TIMELESS: variants seen among roughly 807,000 people sequenced by gnomAD.
The protein encoded by TIMELESS is protein timeless homolog.
In TIMELESS, 124 loss-of-function variants were observed where a neutral mutation model predicts 164.3. The observed-to-expected ratio is 0.75, with a 90% CI of 0.65 to 0.88. The LOEUF is 0.88. Among genes scored for constraint, TIMELESS ranks in the 40% least tolerant of loss-of-function variants. The pLI is 0.00. For synonymous variants in TIMELESS, 564 were observed against 563.4 expected (o/e 1.00, Z -0.02); for missense variants, 1,422 against 1,491.4 (o/e 0.95, Z 0.77).
At chr12:56,419,650 A>C (rs1881389573) in intron 26 of TIMELESS, among the ~76,000 whole-genome samples, 1 of 151,834 alleles carries the variant, frequency 6.6e-6, no homozygotes, top group South Asian at 2.1e-4. Context: ...TGCCATTTGG[A>C]GTTTGTGGAT....
In TIMELESS at chr12:56,418,156, TTTC is replaced by T; in HGVS notation, c.3429_3431del (p.Lys1144del). 1 of 1,614,238 alleles carries T rather than the reference TTTC, an allele frequency of 6.2e-7. No homozygotes were observed. The highest frequency in any genetic ancestry group is 8.5e-7 in the Non-Finnish European group (1 of 1,180,042). ...TACCCTCTGGGGATGCCAGGCCCGC[TTTC>T]TTCTTGTGGGCTAGCAAGAGGGCCC... On this transcript the variant is annotated inframe_deletion, in exon 27 of 29. Transcript: ENST00000553532.
At position 56,430,260 on chromosome 12, in the gene TIMELESS, A is replaced by G; in HGVS notation, c.931T>C (p.Leu311=). The change falls in exon 10 of 29, where the codon TTG becomes CTG. Residue 311 remains leucine, a synonymous_variant. Transcript: ENST00000553532. ...GGCACCTTTTTCGGCTGCTTTCCCA[A>G]ATCTGAACTGTAGTTTCGTAGCTGG... ...LHNLRNYSSD[L]GKQPKKVPKR... The G allele has an allele frequency of 6.2e-7, 1 of 1,613,296 alleles. No individual in the cohort carries two copies. Among genetic ancestry groups the G allele is most frequent in the South Asian group, 1.1e-5 (1 of 90,958 alleles).
intron 1 of TIMELESS, among the ~76,000 whole-genome samples, chr12:56,434,810 A>AG (rs1363150001): frequency 1.3e-5 from 2 of 152,132 alleles, no homozygotes; most frequent in Non-Finnish European, 2.9e-5. Context: ...TCAGCATTTT[A>AG]GGAGGCCAAG....
chr12:56,444,223 T>C (rs569065555), intron 1 of TIMELESS, among the ~76,000 whole-genome samples: 1 of 152,028 alleles, frequency 6.6e-6, no homozygotes, highest in East Asian at 1.9e-4. Flanking sequence ...GTCCCCTTCA[T>C]TGTCTCTTCC....
chr12:56,433,952 T>G, intron 2 of TIMELESS, 26 bp from the exon 3 acceptor site: 1 of 1,613,094 alleles, frequency 6.2e-7, no homozygotes, highest in Non-Finnish European at 8.5e-7. Context: ...AAAACATGCA[T>G]GTGGAACCTT....
rs1438859130 is a variant in TIMELESS, at chr12:56,433,446, G to A, written c.367-3C>T. 7 of 1,614,202 alleles carry A rather than the reference G, an allele frequency of 4.3e-6. No individual in the cohort carries two copies. Among genetic ancestry groups the A allele is most frequent in the South Asian group, 3.3e-5 (3 of 91,084 alleles). ...AAAGCCTTCTCACTGGCAAAGGCCT[G>A]TGAAATAGGGAACCTGATCTTAAGT... is the stretch of plus-strand genomic sequence containing the variant. On this transcript the variant is annotated splice_polypyrimidine_tract_variant and splice_region_variant and intron_variant, in intron 4 of 28. Coordinates refer to ENST00000553532, the MANE Select transcript of TIMELESS (RefSeq NM_003920.5).
chr12:56,421,549 A>G lies in TIMELESS; in HGVS notation c.2726-56T>C, dbSNP rs565072546. ...GGTAACAGGGAAAGAGATGAGTAAA[A>G]TAAATCAGAGGTCTCTGGAAAGAGG... On this transcript the variant is annotated intron_variant, in intron 22 of 28. Transcript: ENST00000553532. 8.9e-5 allele frequency: 141 copies of G among 1,577,858 alleles called. No individual in the cohort carries two copies. The African/African-American group carries it at 1.8e-3, about 20-fold the overall frequency.
intron 6 of TIMELESS, 42 bp from the exon 7 acceptor site, chr12:56,432,566 T>C: frequency 6.3e-7 from 1 of 1,599,370 alleles, no homozygotes; most frequent in Non-Finnish European, 8.5e-7. Context: ...GCTCATTCAA[T>C]CCCACTGCCC....
At chr12:56,428,711 A>G in intron 11 of TIMELESS, 59 bp from the exon 12 acceptor site, 2 of 1,536,086 alleles carry the variant, frequency 1.3e-6, no homozygotes, top group Non-Finnish European at 1.8e-6. Flanking sequence ...GCCCATGGAA[A>G]CAGCAACTTC....
Position 56,417,949 on chromosome 12 carries a change from C to A in TIMELESS, c.3514G>T (p.Asp1172Tyr), listed in dbSNP as rs752444978. The change falls in exon 28 of 29, where the codon GAC becomes TAC. Residue 1172 changes from aspartate (D) to tyrosine (Y), a missense_variant. Asp to Tyr is a radical substitution (Grantham distance 160, BLOSUM62 -3). Coordinates refer to ENST00000553532, the MANE Select transcript of TIMELESS (RefSeq NM_003920.5). ...TCTTCTTCCTGTTCCTCGTCGCTGTCCAGCAATTGTCGTTTCTTGGGTGCT... is the reference window on the plus strand; with the variant it reads ...TCTTCTTCCTGTTCCTCGTCGCTGTACAGCAATTGTCGTTTCTTGGGTGCT... ...KAAPKKRQLL[D>Y]SDEEQEEDEG... The A allele has an allele frequency of 1.2e-6, 2 of 1,614,254 alleles. No homozygotes were observed. Among genetic ancestry groups the A allele is most frequent in the East Asian group, 4.5e-5 (2 of 44,890 alleles).
At position 56,421,972 on chromosome 12, in the gene TIMELESS, G is replaced by T. The variant is rs1197676226; in HGVS notation, c.2569C>A (p.Pro857Thr). The T allele has an allele frequency of 6.2e-7, 1 of 1,614,130 alleles. No homozygotes were observed. The highest frequency in any genetic ancestry group is 1.1e-5 in the South Asian group (1 of 91,072). The change falls in exon 21 of 29, where the codon CCT (proline) becomes ACT (threonine). Residue 857 changes from proline (P) to threonine (T), a missense_variant. Transcript: ENST00000553532. ...EAILAHLNTV[P>T]RTRKQIIHHL... ...TGGATGATCTGCTTGCGTGTTCGAG[G>T]AACAGTATTCAGGTGGGCCAAGATG...
At position 56,421,359 on chromosome 12, in the gene TIMELESS, A is replaced by T; in HGVS notation, c.2860T>A (p.Ser954Thr). 2.5e-6 allele frequency: 4 copies of T among 1,613,706 alleles called. No homozygotes were observed. Among genetic ancestry groups the T allele is most frequent in the Non-Finnish European group, 3.4e-6 (4 of 1,179,820 alleles). Residue 954 changes from serine (S) to threonine (T), a missense_variant, in exon 23 of 29, where the codon TCC becomes ACC. Ser to Thr is a moderately conservative substitution (Grantham distance 58, BLOSUM62 1). Coordinates refer to ENST00000553532, the MANE Select transcript of TIMELESS (RefSeq NM_003920.5). ...YKKRQKKLAS[S>T]ILPNGAESLK... Reference sequence around the variant, plus strand: ...TAGGGTCAGATTGTTACCAAGATGGAGGATGCCAACTTTTTCTGCCGTTTC... The same window carrying T: ...TAGGGTCAGATTGTTACCAAGATGGTGGATGCCAACTTTTTCTGCCGTTTC...
chr12:56,424,382 C>T (rs1881603066), intron 15 of TIMELESS, among the ~76,000 whole-genome samples: 1 of 152,170 alleles, frequency 6.6e-6, no homozygotes, highest in South Asian at 2.1e-4. Flanking sequence ...GTTAAGTCCG[C>T]CCTTAATGTC....
chr12:56,426,089 A>C (rs1317201571), intron 13 of TIMELESS, among the ~76,000 whole-genome samples: 1 of 152,170 alleles, frequency 6.6e-6, no homozygotes, highest in African/African-American at 2.4e-5. Flanking sequence ...GGAGTCCAGC[A>C]GATCTGGATT....
Position 56,429,069 on chromosome 12 carries a change from T to C in TIMELESS, c.1118A>G (p.His373Arg). ...DHLLREKAQQ[H>R]DETYYMWALA... ...GGCCCACATATAATAGGTCTCATCA[T>C]GCTGCTGAGCTTTCTCCCGAAGCAG... is the stretch of plus-strand genomic sequence containing the variant. Residue 373 changes from histidine to arginine, a missense_variant, in exon 11 of 29, where the codon CAT becomes CGT. By Grantham distance (29) the His-to-Arg change is conservative. Coordinates refer to ENST00000553532, the MANE Select transcript of TIMELESS (RefSeq NM_003920.5). 1.2e-6 allele frequency: 2 copies of C among 1,614,006 alleles called. No individual in the cohort carries two copies. The highest frequency in any genetic ancestry group is 2.7e-5 in the African/African-American group (2 of 75,018).
chr12:56,423,036 C>T, intron 18 of TIMELESS, 44 bp from the exon 19 acceptor site: 1 of 1,587,506 alleles, frequency 6.3e-7, no homozygotes, highest in African/African-American at 1.4e-5. Context: ...TGGTCCAATG[C>T]AGACCCGAAC....
At chr12:56,437,275 TG>T (rs2136149096) in intron 1 of TIMELESS, among the ~76,000 whole-genome samples, 1 of 152,292 alleles carries the variant, frequency 6.6e-6, no homozygotes, top group East Asian at 1.9e-4. Flanking sequence ...CAGATTATCC[TG>T]GGTCATACCC....
intron 1 of TIMELESS, among the ~76,000 whole-genome samples, chr12:56,439,167 CAAAAAAAAAAAA>C (rs57127557): frequency 4.7e-5 from 4 of 85,640 alleles, no homozygotes; most frequent in East Asian, 8.0e-4. Flanking sequence ...AACTCCTTCT[CAAAAAAAAAAAA>C]AAAAAAAAAA....
rs868780866 is a variant in TIMELESS at position 56,437,154 on chromosome 12, C to G, written c.-61-2923G>C. ...ATATTGGCCAGATGTGTCTTGAACT[C>G]CTGACCTCAGGTGATCCACACACCT... On this transcript the variant is annotated intron_variant, in intron 1 of 28. Transcript: ENST00000553532. 7.2e-5 allele frequency among the ~76,000 whole-genome samples: 11 copies of G among 152,116 alleles called. No individual in the cohort carries two copies. In the South Asian group the frequency reaches 2.3e-3, roughly 32 times the overall value.
Sources: gnomAD v4.1 joint callset for allele counts (sites outside exome capture counted in the v4.1 genomes callset) on GRCh38, gnomAD v4.1.1 for gene constraint, MANE v1.5 for transcripts, NCBI Gene and HGNC (gene_info 2026-07-23, HGNC 2026-07-21) for gene names.